DCHS2: variants seen among roughly 807,000 people sequenced by gnomAD.
DCHS2 encodes dachsous cadherin-related 2.
DCHS2 carries 142 observed loss-of-function variants against 182.4 expected under a neutral mutation model. The observed-to-expected ratio is 0.78, with a 90% CI of 0.68 to 0.89. The LOEUF (loss-of-function observed/expected upper bound fraction) is 0.89, where lower values mean the gene tolerates loss of function less well. Among genes scored for constraint, DCHS2 ranks in the 40% least tolerant of loss-of-function variants. The pLI is 0.00. For synonymous variants in DCHS2, 1,740 were observed against 1,663.3 expected (o/e 1.05, Z -1.12); for missense variants, 4,319 against 4,198.6 (o/e 1.03, Z -0.79).
At chr4:154,356,358 A>C (rs754230973) in intron 3 of DCHS2, among the ~76,000 whole-genome samples, 5 of 152,002 alleles carry the variant, frequency 3.3e-5, no homozygotes, top group Non-Finnish European at 5.9e-5. Flanking sequence ...TAAAAAAATT[A>C]AAGTTTATAA....
chr4:154,241,324 G>A (rs767829934), intron 17 of DCHS2, among the ~76,000 whole-genome samples: 1 of 151,984 alleles, frequency 6.6e-6, no homozygotes, highest in Non-Finnish European at 1.5e-5. Context: ...ATTTATTTTG[G>A]AGTGGTGCAC....
chr4:154,442,552 C>T (rs1470790584), intron 1 of DCHS2, among the ~76,000 whole-genome samples: 4 of 132,490 alleles, frequency 3.0e-5, no homozygotes, highest in African/African-American at 8.6e-5. Context: ...CACACACACA[C>T]ACACACACAC....
chr4:154,377,328 T>C lies in DCHS2; in HGVS notation c.2169A>G (p.Gln723=). The change falls in exon 2 of 20, where the codon CAA becomes CAG. Residue 723 remains glutamine, a synonymous_variant. Coordinates refer to ENST00000357232, the MANE Select transcript of DCHS2 (RefSeq NM_001358235.2). ...QAFRIDPHDG[Q]ICVSQDIDRE... ...TGTCGATATCTTGAGAAACACAGAT[T>C]TGCCCATCATGAGGGTCGATCCGGA... 1 of 1,613,718 alleles carries C rather than the reference T, an allele frequency of 6.2e-7. No homozygotes were observed. Among genetic ancestry groups the C allele is most frequent in the Non-Finnish European group, 8.5e-7 (1 of 1,179,746 alleles).
chr4:154,298,042 C>T lies in DCHS2; in HGVS notation c.6272G>A (p.Gly2091Glu), dbSNP rs756156839. Residue 2091 changes from glycine (G) to glutamate (E), a missense_variant, in exon 13 of 20, where the codon GGA becomes GAA. Gly to Glu is a moderately conservative substitution (Grantham distance 98, BLOSUM62 -2). Transcript: ENST00000357232. ...QSMFSIDKYT[G>E]EIQFQQNPSS... is the part of the protein sequence containing the mutation. ...TGGATTTTGCTGAAATTGAATTTCT[C>T]CTGTGTATTTATCAATAGAAAACAT... The T allele has an allele frequency of 1.9e-6, 3 of 1,613,942 alleles. No individual in the cohort carries two copies. In the African/African-American group the frequency reaches 4.0e-5, roughly 22 times the overall value.
chr4:154,302,611 C>G (rs547197399), intron 12 of DCHS2, among the ~76,000 whole-genome samples: 1 of 152,026 alleles, frequency 6.6e-6, no homozygotes, highest in African/African-American at 2.4e-5. Context: ...CCAAGGTATG[C>G]TCTCTGCTCC....
chr4:154,289,673 G>T (rs1734561492), intron 13 of DCHS2, among the ~76,000 whole-genome samples: 1 of 151,998 alleles, frequency 6.6e-6, no homozygotes, highest in South Asian at 2.1e-4. Context: ...GATGAACACT[G>T]ATGTAAAAAT....
At chr4:154,419,885 T>A (rs1445659324) in intron 1 of DCHS2, among the ~76,000 whole-genome samples, 1 of 147,718 alleles carries the variant, frequency 6.8e-6, no homozygotes, top group East Asian at 2.0e-4. Context: ...TGAGGGACTG[T>A]GGTGTGTAGG....
chr4:154,451,164 C>T (rs528356414), intron 1 of DCHS2, among the ~76,000 whole-genome samples: 1 of 152,296 alleles, frequency 6.6e-6, no homozygotes, highest in East Asian at 1.9e-4. Flanking sequence ...CTGGCAGATA[C>T]AATGGCTTGA....
chr4:154,243,142 T>C (rs778342465), intron 16 of DCHS2, among the ~76,000 whole-genome samples: 1 of 152,210 alleles, frequency 6.6e-6, no homozygotes, highest in Non-Finnish European at 1.5e-5. Flanking sequence ...CACCTTGCCA[T>C]GCCCTGGTCT....
intron 1 of DCHS2, among the ~76,000 whole-genome samples, chr4:154,484,688 G>A (rs936180422): frequency 1.3e-5 from 2 of 152,150 alleles, no homozygotes; most frequent in African/African-American, 4.8e-5. Flanking sequence ...TTTCCCTAAT[G>A]GGCTATGAAA....
At position 154,308,218 on chromosome 4, in the gene DCHS2, G is replaced by T. The variant is rs967210764; in HGVS notation, c.5261-2987C>A. On this transcript the variant is annotated intron_variant, in intron 10 of 19. Transcript: ENST00000357232. ...GCCATTTCTAGTTCTTACCTAACTT[G>T]TCTTCTCTGTGGCATCATATATGGC... Among the ~76,000 whole-genome samples, 15 of 150,024 alleles carry T rather than the reference G, an allele frequency of 1.0e-4. No individual in the cohort carries two copies. The East Asian group carries it at 2.9e-3, about 29-fold the overall frequency.
intron 2 of DCHS2, among the ~76,000 whole-genome samples, chr4:154,372,615 G>T (rs550891802): frequency 4.6e-5 from 7 of 152,268 alleles, no homozygotes; most frequent in African/African-American, 1.7e-4. Context: ...AATCTATTTG[G>T]TAAAAATGAA....
chr4:154,309,410 A>G (rs1257600276), intron 10 of DCHS2, among the ~76,000 whole-genome samples: 2 of 152,172 alleles, frequency 1.3e-5, no homozygotes, highest in Non-Finnish European at 2.9e-5. Flanking sequence ...CAGCAATGCT[A>G]TTCAGTCTGT....
At chr4:154,488,685 C>G (rs1376534834) in intron 1 of DCHS2, among the ~76,000 whole-genome samples, 2 of 151,976 alleles carry the variant, frequency 1.3e-5, no homozygotes, top group African/African-American at 4.8e-5. Context: ...GGCAGATCAC[C>G]TGAGGTCAGG....
chr4:154,263,482 C>T (rs1455672344), intron 14 of DCHS2, among the ~76,000 whole-genome samples: 1 of 151,728 alleles, frequency 6.6e-6, no homozygotes. Flanking sequence ...GACAGAAATC[C>T]TGAGAGGTTA....
intron 3 of DCHS2, among the ~76,000 whole-genome samples, chr4:154,365,402 G>A (rs533324459): frequency 7.6e-4 from 116 of 152,108 alleles, no homozygotes; most frequent in Non-Finnish European, 1.1e-3. Flanking sequence ...CTGGCCAACC[G>A]TTTCTACATA....
At chr4:154,391,129 A>G in intron 1 of DCHS2, 1 of 1,574,372 alleles carries the variant, frequency 6.4e-7, no homozygotes, top group African/African-American at 1.3e-5. Flanking sequence ...ACAGACTTAT[A>G]AAAGCTGATA....
intron 1 of DCHS2, among the ~76,000 whole-genome samples, chr4:154,382,589 C>T (rs918951926): frequency 6.6e-6 from 1 of 152,042 alleles, no homozygotes; most frequent in Non-Finnish European, 1.5e-5. Flanking sequence ...TAATCACAAA[C>T]TATATATCTG....
chr4:154,244,216 C>T (rs1417280029), intron 16 of DCHS2, among the ~76,000 whole-genome samples: 3 of 152,134 alleles, frequency 2.0e-5, no homozygotes, highest in Non-Finnish European at 2.9e-5. Context: ...GCCTTATTTG[C>T]TTTTCTATAG....
Sources: allele counts gnomAD v4.1 joint callset (sites outside exome capture counted in the v4.1 genomes callset), GRCh38; gene constraint gnomAD v4.1.1; transcripts MANE v1.5; gene names NCBI Gene and HGNC (gene_info 2026-07-23, HGNC 2026-07-21).